Variants in USH2A observed in about 807,000 individuals in gnomAD.
USH2A encodes usherin, also known as Usher syndrome 2A (autosomal recessive, mild).
Under a neutral mutation model 538.9 loss-of-function variants are expected in USH2A, and 443 were observed. That is an observed-to-expected ratio of 0.82 (90% CI 0.76 to 0.89). The LOEUF is 0.89. Among genes scored for constraint, USH2A ranks in the 40% least tolerant of loss-of-function variants. The pLI, the probability that USH2A is intolerant of heterozygous loss-of-function variation, is 0.00. For missense variants in USH2A, 6,633 were observed against 6,324.8 expected (o/e 1.05, Z -1.65); for synonymous variants, 2,413 against 2,273.5 (o/e 1.06, Z -1.75).
intron 4 of USH2A, among the ~76,000 whole-genome samples, chr1:216,355,368 AAAGAAAG>A (rs1467942160): frequency 2.0e-5 from 3 of 151,388 alleles, no homozygotes; most frequent in Admixed American, 6.6e-5. Context: ...AGAAAGAAAG[AAAGAAAG>A]AAGGAAAGAA....
rs201068016 is a variant in USH2A at position 216,323,607 on chromosome 1, T to C, written c.1417A>G (p.Thr473Ala). Residue 473 changes from threonine to alanine, a missense_variant, in exon 8 of 72, where the codon ACC (threonine) becomes GCC (alanine). Coordinates refer to ENST00000307340, the MANE Select transcript of USH2A (RefSeq NM_206933.4). Reference protein sequence around the residue: ...YRPGYNNFYNTPSLQEFVKAT... With the variant: ...YRPGYNNFYNAPSLQEFVKAT... ...TTTACGAACTCTTGAAGAGATGGGG[T>C]ATTATAGAAGTTATTGTATCCAGGA... The C allele has an allele frequency of 9.3e-6, 15 of 1,613,406 alleles. No individual in the cohort carries two copies. Among genetic ancestry groups the C allele is most frequent in the Admixed American group, 1.7e-5 (1 of 59,942 alleles).
intron 13 of USH2A, among the ~76,000 whole-genome samples, chr1:216,237,494 T>TAAA (rs59074625): frequency 0.016 from 1,773 of 114,218 alleles, 50 homozygotes; most frequent in African/African-American, 0.053. Flanking sequence ...GACTCCGTCT[T>TAAA]AAAAAAAAAA....
chr1:216,418,459 A>G, intron 3 of USH2A, 55 bp downstream of exon 3: 2 of 1,596,500 alleles, frequency 1.3e-6, no homozygotes, highest in Non-Finnish European at 1.7e-6. Context: ...AAAGAGAGAA[A>G]GGAAGACAAA....
At chr1:216,069,204 C>T (rs1167991798) in intron 30 of USH2A, among the ~76,000 whole-genome samples, 4 of 151,998 alleles carry the variant, frequency 2.6e-5, no homozygotes, top group Non-Finnish European at 5.9e-5. Context: ...TCAGGCTGGG[C>T]TTTGATAAGG....
chr1:215,847,439 G>A (rs1370114122), intron 44 of USH2A, among the ~76,000 whole-genome samples: 1 of 152,052 alleles, frequency 6.6e-6, no homozygotes, highest in Admixed American at 6.6e-5. Context: ...GAGCTCAGGA[G>A]TTCGAGACCA....
At chr1:215,943,848 A>C (rs77736761) in intron 37 of USH2A, among the ~76,000 whole-genome samples, 4,885 of 152,262 alleles carry the variant, frequency 0.032, 124 homozygotes, top group South Asian at 0.083. Flanking sequence ...AATTCCTTTA[A>C]TATAATTCAT....
intron 38 of USH2A, among the ~76,000 whole-genome samples, chr1:215,904,252 T>G (rs923231409): frequency 5.9e-5 from 9 of 152,196 alleles, no homozygotes; most frequent in African/African-American, 1.4e-4. Context: ...TGTTAAAAAC[T>G]ACATTACCTT....
rs1322092837 is a variant in USH2A, at chr1:215,674,430, T to C, written c.13481A>G (p.Tyr4494Cys). 2 of 1,614,144 alleles carry C rather than the reference T, an allele frequency of 1.2e-6. No individual in the cohort carries two copies. Among genetic ancestry groups the C allele is most frequent in the Non-Finnish European group, 1.7e-6 (2 of 1,180,020 alleles). The part of the protein sequence containing the change: ...TIVYTGLETR[Y>C]RDFTLTPGVE... ...ACCTGGGGTGAGAGTAAAATCACGATAGCGTGTTTCCAAGCCTGTATATAC... is the reference window on the plus strand; with the variant it reads ...ACCTGGGGTGAGAGTAAAATCACGACAGCGTGTTTCCAAGCCTGTATATAC... The change falls in exon 63 of 72, where the codon TAT becomes TGT. Residue 4494 changes from tyrosine to cysteine, a missense_variant. Coordinates refer to ENST00000307340, the MANE Select transcript of USH2A (RefSeq NM_206933.4).
chr1:215,676,234 A>C (rs1292517628), intron 62 of USH2A, among the ~76,000 whole-genome samples: 1 of 151,994 alleles, frequency 6.6e-6, no homozygotes, highest in Non-Finnish European at 1.5e-5. Context: ...GGAAAAAAAC[A>C]CCCTGTTTTC....
chr1:216,080,359 T>C (rs1437910010), intron 26 of USH2A, among the ~76,000 whole-genome samples: 1 of 151,382 alleles, frequency 6.6e-6, no homozygotes, highest in East Asian at 1.9e-4. Flanking sequence ...GGAAAATCAG[T>C]AGGGAAGAAT....
intron 38 of USH2A, among the ~76,000 whole-genome samples, chr1:215,933,517 A>T (rs1038277068): frequency 6.6e-6 from 1 of 152,046 alleles, no homozygotes; most frequent in Non-Finnish European, 1.5e-5. Flanking sequence ...ACATCAATTC[A>T]TTAATTTTAA....
At chr1:215,721,727 C>T (rs964788872) in intron 61 of USH2A, among the ~76,000 whole-genome samples, 37 of 151,970 alleles carry the variant, frequency 2.4e-4, no homozygotes, top group Non-Finnish European at 5.0e-4. Context: ...TTATGTAAGG[C>T]AAGTAAATGA....
rs752276063 is a variant in USH2A, at chr1:215,790,164, A to C, written c.10077T>G (p.Cys3359Trp). 6.2e-7 allele frequency: 1 copy of C among 1,614,058 alleles called. No homozygotes were observed. ...GGCTCTTTGGAATAAGTTCAGTCTC[A>C]CAGCATTTTACTGGCACCGGGTCAT... ...KKNDPVPVKC[C>W]ETELIPKSQK... Residue 3359 changes from cysteine to tryptophan, a missense_variant, in exon 51 of 72, where the codon TGT becomes TGG. Physicochemically the swap from Cys to Trp is radical, Grantham distance 215. Transcript: ENST00000307340.
At chr1:216,217,599 TA>T (rs1327845530) in intron 14 of USH2A, 49 bp from the exon 15 acceptor site, 1 of 1,600,694 alleles carries the variant, frequency 6.2e-7, no homozygotes, top group Non-Finnish European at 8.5e-7. Flanking sequence ...TTTTGATTAA[TA>T]ATTCATAGTA....
chr1:216,191,232 T>C (rs2034710974), intron 19 of USH2A, among the ~76,000 whole-genome samples: 1 of 152,032 alleles, frequency 6.6e-6, no homozygotes, highest in African/African-American at 2.4e-5. Context: ...ACTAATTTTC[T>C]TAGGGCTACT....
chr1:216,129,770 A>G (rs776598577), intron 21 of USH2A, among the ~76,000 whole-genome samples: 4 of 152,114 alleles, frequency 2.6e-5, no homozygotes, highest in Admixed American at 6.6e-5. Flanking sequence ...GCAAAAAATA[A>G]CAAAGCTGGA....
chr1:215,845,646 G>A (rs373353149), intron 45 of USH2A, among the ~76,000 whole-genome samples, 178 bp downstream of exon 45: 177 of 152,252 alleles, frequency 1.2e-3, no homozygotes, highest in African/African-American at 3.9e-3. Context: ...CTGTCTCAAT[G>A]GGACTGCTTA....
intron 3 of USH2A, among the ~76,000 whole-genome samples, chr1:216,374,205 T>C (rs1289464134): frequency 6.6e-6 from 1 of 151,166 alleles, no homozygotes; most frequent in Non-Finnish European, 1.5e-5. Context: ...TATACATATG[T>C]AACAAGCCTG....
At chr1:215,743,030 G>A (rs1660350140) in intron 59 of USH2A, 147 bp downstream of exon 59, 27 of 880,136 alleles carry the variant, frequency 3.1e-5, no homozygotes, top group Non-Finnish European at 4.4e-5. Flanking sequence ...GCCAGACTGT[G>A]ATTTTTCTGG....
Sources: gnomAD v4.1 joint callset for allele counts (sites outside exome capture counted in the v4.1 genomes callset) on GRCh38, gnomAD v4.1.1 for gene constraint, MANE v1.5 for transcripts, NCBI Gene and HGNC (gene_info 2026-07-23, HGNC 2026-07-21) for gene names.